Variants in RGS6 observed in about 807,000 individuals in gnomAD.
RGS6 encodes regulator of G-protein signaling 6.
Under a neutral mutation model 78.5 loss-of-function variants are expected in RGS6, and 30 were observed. The observed-to-expected ratio is 0.38, with a 90% CI of 0.29 to 0.52. The LOEUF (loss-of-function observed/expected upper bound fraction) is 0.52. Among genes scored for constraint, RGS6 ranks in the 20% least tolerant of loss-of-function variants. The pLI, the probability that RGS6 is intolerant of heterozygous loss-of-function variation, is 0.85. For missense variants in RGS6, 495 were observed against 609.7 expected (o/e 0.81, Z 1.98); for synonymous variants, 206 against 206.0 (o/e 1.00, Z 0.00).
intron 2 of RGS6, among the ~76,000 whole-genome samples, chr14:72,273,290 T>C (rs1270325816): frequency 6.6e-6 from 1 of 152,218 alleles, no homozygotes; most frequent in Non-Finnish European, 1.5e-5. Flanking sequence ...TATATGTATG[T>C]GGGTCATTAG....
In RGS6 at chr14:72,115,817, T is replaced by G. The variant is rs143451630; in HGVS notation, c.84+150942T>G. Among the ~76,000 whole-genome samples the G allele has an allele frequency of 5.3e-5, 8 of 152,324 alleles. No individual in the cohort carries two copies. The South Asian group carries it at 1.7e-3, about 32-fold the overall frequency. On this transcript the variant is annotated intron_variant, in intron 2 of 17. Coordinates refer to ENST00000553525, the MANE Select transcript of RGS6 (RefSeq NM_001204424.2). ...ACAGTTCCAGCTTAGCTAGGTTGACTTGCTATAAGTCAACCACACCTAGTC... is the reference window on the plus strand; with the variant it reads ...ACAGTTCCAGCTTAGCTAGGTTGACGTGCTATAAGTCAACCACACCTAGTC...
intron 3 of RGS6, among the ~76,000 whole-genome samples, chr14:72,370,198 A>T (rs2083211028): frequency 6.6e-6 from 1 of 152,142 alleles, no homozygotes; most frequent in Non-Finnish European, 1.5e-5. Context: ...TAACAAGAGA[A>T]TAAAGAGTTA....
At chr14:72,562,185 A>T (rs1412950870) in intron 17 of RGS6, among the ~76,000 whole-genome samples, 3 of 152,178 alleles carry the variant, frequency 2.0e-5, no homozygotes, top group African/African-American at 7.2e-5. Context: ...ACACACCCTC[A>T]TAAGGGGACC....
At chr14:72,134,035 A>G (rs1480779624) in intron 2 of RGS6, among the ~76,000 whole-genome samples, 1 of 152,212 alleles carries the variant, frequency 6.6e-6, no homozygotes, top group Non-Finnish European at 1.5e-5. Flanking sequence ...TGGAGTTGTC[A>G]TTCAAATTCA....
At chr14:72,255,548 A>G (rs1410177453) in intron 2 of RGS6, among the ~76,000 whole-genome samples, 1 of 152,124 alleles carries the variant, frequency 6.6e-6, no homozygotes, top group East Asian at 1.9e-4. Flanking sequence ...CAGACTCTGA[A>G]TTTGTTTTCT....
At chr14:72,088,798 C>T (rs2095156471) in intron 2 of RGS6, among the ~76,000 whole-genome samples, 1 of 152,178 alleles carries the variant, frequency 6.6e-6, no homozygotes, top group South Asian at 2.1e-4. Flanking sequence ...TCATGCCTTT[C>T]TGCCCTTTGT....
At chr14:72,051,810 A>C (rs1182978349) in intron 2 of RGS6, among the ~76,000 whole-genome samples, 1 of 152,228 alleles carries the variant, frequency 6.6e-6, no homozygotes, top group Non-Finnish European at 1.5e-5. Flanking sequence ...TAAGTCACTG[A>C]GAACTAAGGC....
At chr14:72,209,222 C>CA (rs1275494771) in intron 2 of RGS6, among the ~76,000 whole-genome samples, 2 of 152,150 alleles carry the variant, frequency 1.3e-5, no homozygotes, top group Non-Finnish European at 2.9e-5. Flanking sequence ...GCCTAGGTGA[C>CA]AGAGTGAGAC....
At chr14:72,145,369 A>G (rs757548937) in intron 2 of RGS6, among the ~76,000 whole-genome samples, 21 of 152,188 alleles carry the variant, frequency 1.4e-4, no homozygotes, top group Non-Finnish European at 1.5e-4. Flanking sequence ...ATTCCTTCCC[A>G]AAGTTAGTTC....
chr14:72,547,570 T>TA (rs1394234109), intron 17 of RGS6, among the ~76,000 whole-genome samples: 2 of 152,218 alleles, frequency 1.3e-5, no homozygotes, highest in Non-Finnish European at 2.9e-5. Flanking sequence ...GCAGTGTGGC[T>TA]AAATGGGACA....
chr14:72,247,825 C>T (rs981366651), intron 2 of RGS6, among the ~76,000 whole-genome samples: 1 of 152,168 alleles, frequency 6.6e-6, no homozygotes, highest in African/African-American at 2.4e-5. Flanking sequence ...ATTCTTCTGC[C>T]TTTCACTGTG....
intron 2 of RGS6, among the ~76,000 whole-genome samples, chr14:72,064,698 A>G (rs61462939): frequency 6.6e-6 from 1 of 152,228 alleles, no homozygotes; most frequent in African/African-American, 2.4e-5. Context: ...AGGAGATAAA[A>G]CTGGAAGATA....
chr14:72,195,253 C>A (rs1599252986), intron 2 of RGS6, among the ~76,000 whole-genome samples: 1 of 151,846 alleles, frequency 6.6e-6, no homozygotes, highest in African/African-American at 2.4e-5. Flanking sequence ...GAGGAGCAGG[C>A]TGGAGGTTAG....
At chr14:72,201,491 T>C (rs1381776479) in intron 2 of RGS6, among the ~76,000 whole-genome samples, 4 of 152,228 alleles carry the variant, frequency 2.6e-5, no homozygotes, top group Admixed American at 6.5e-5. Flanking sequence ...AATTCGACTT[T>C]TTAAATTCAG....
intron 2 of RGS6, among the ~76,000 whole-genome samples, chr14:71,977,079 C>T (rs963352779): frequency 8.3e-6 from 1 of 121,018 alleles, no homozygotes; most frequent in Admixed American, 8.3e-5. Flanking sequence ...AGTGTCTGTT[C>T]ATGTCCTTCG....
At chr14:72,362,210 A>G (rs1296593874) in intron 3 of RGS6, among the ~76,000 whole-genome samples, 1 of 152,200 alleles carries the variant, frequency 6.6e-6, no homozygotes, top group East Asian at 1.9e-4. Context: ...AGAAACAGAC[A>G]CAGGTAGATC....
intron 15 of RGS6, among the ~76,000 whole-genome samples, chr14:72,534,794 C>G (rs2097225608): frequency 6.6e-6 from 1 of 152,134 alleles, no homozygotes; most frequent in Admixed American, 6.5e-5. Context: ...GAAAGAGCAC[C>G]AAGGAAGAGG....
chr14:72,572,993 T>C, the RGS6 span, among the ~76,000 whole-genome samples: 2 of 152,008 alleles, frequency 1.3e-5, no homozygotes, highest in East Asian at 3.9e-4. Context: ...AAGCCTGTTT[T>C]TCGAAGTCAC....
Position 72,089,003 on chromosome 14 carries a change from C to T in RGS6, c.84+124128C>T, listed in dbSNP as rs557609279. On this transcript the variant is annotated intron_variant, in intron 2 of 17. Coordinates refer to ENST00000553525, the MANE Select transcript of RGS6 (RefSeq NM_001204424.2). ...CCCAATCTAAAGTAGTCCAGCCCCA[C>T]CTCGAAGGACACTGTCTCATTGCAC... Among the ~76,000 whole-genome samples the T allele has an allele frequency of 2.0e-5, 3 of 152,356 alleles. No homozygotes were observed. The South Asian group carries it at 6.2e-4, about 32-fold the overall frequency.
Sources: allele counts gnomAD v4.1 joint callset (sites outside exome capture counted in the v4.1 genomes callset), GRCh38; gene constraint gnomAD v4.1.1; transcripts MANE v1.5; gene names NCBI Gene and HGNC (gene_info 2026-07-23, HGNC 2026-07-21).